UNC5D: variants seen among roughly 807,000 people sequenced by gnomAD.
The protein encoded by UNC5D is unc-5 netrin receptor D, also known as netrin receptor UNC5D.
A neutral mutation model predicts 105.4 loss-of-function variants in UNC5D; 39 were observed. That is an observed-to-expected ratio of 0.37 (90% CI 0.29 to 0.48). UNC5D has a LOEUF of 0.48. UNC5D is among the 20% of genes least tolerant of loss of function. The pLI, the probability that UNC5D is intolerant of heterozygous loss-of-function variation, is 0.98. For missense variants in UNC5D, 991 were observed against 1,202.4 expected (o/e 0.82, Z 2.60); for synonymous variants, 452 against 450.4 (o/e 1.00, Z -0.04).
chr8:35,565,060 C>T (rs916555974), intron 2 of UNC5D, among the ~76,000 whole-genome samples: 3 of 152,136 alleles, frequency 2.0e-5, no homozygotes, highest in African/African-American at 7.2e-5. Flanking sequence ...CATACAAATT[C>T]AGGTATCTTC....
chr8:35,273,998 G>T (rs533703885), intron 1 of UNC5D, among the ~76,000 whole-genome samples: 160 of 145,812 alleles, frequency 1.1e-3, no homozygotes, highest in African/African-American at 3.8e-3. Flanking sequence ...ATTTATCGTG[G>T]TTTTTTTTTT....
chr8:35,250,857 G>A (rs762757737), intron 1 of UNC5D, among the ~76,000 whole-genome samples: 13 of 152,044 alleles, frequency 8.6e-5, no homozygotes, highest in East Asian at 3.9e-4. Context: ...GTCTCTTGCC[G>A]CCATCTTTAT....
chr8:35,340,773 A>G (rs1811403072), intron 1 of UNC5D, among the ~76,000 whole-genome samples: 1 of 152,184 alleles, frequency 6.6e-6, no homozygotes, highest in Admixed American at 6.5e-5. Flanking sequence ...AAACAAGGAT[A>G]TAAGGATTTG....
At chr8:35,677,479 CTATTT>C (rs958504642) in intron 4 of UNC5D, among the ~76,000 whole-genome samples, 5 of 151,808 alleles carry the variant, frequency 3.3e-5, no homozygotes, top group Non-Finnish European at 5.9e-5. Context: ...TTTTTTTTTC[CTATTT>C]TATTTATTAA....
chr8:35,417,605 C>T (rs1164127992), intron 1 of UNC5D, among the ~76,000 whole-genome samples: 2 of 151,986 alleles, frequency 1.3e-5, no homozygotes, highest in Non-Finnish European at 2.9e-5. Context: ...CTTGAAGTAA[C>T]AGGTCAAATA....
intron 1 of UNC5D, among the ~76,000 whole-genome samples, chr8:35,383,697 T>G (rs1363062681): frequency 6.6e-6 from 1 of 152,218 alleles, no homozygotes; most frequent in East Asian, 1.9e-4. Context: ...GACCAAAGCT[T>G]AGTTTCCAGT....
chr8:35,352,104 A>G, intron 1 of UNC5D, among the ~76,000 whole-genome samples: 1 of 152,160 alleles, frequency 6.6e-6, no homozygotes, highest in East Asian at 1.9e-4. Flanking sequence ...CGAAAATTAA[A>G]TCAACCTGAT....
chr8:35,666,886 G>T (rs1824459730), intron 4 of UNC5D, among the ~76,000 whole-genome samples: 1 of 151,870 alleles, frequency 6.6e-6, no homozygotes, highest in South Asian at 2.1e-4. Context: ...TTGACACAGT[G>T]GTTCATTATC....
At chr8:35,608,891 T>G (rs539429344) in intron 4 of UNC5D, among the ~76,000 whole-genome samples, 1 of 152,156 alleles carries the variant, frequency 6.6e-6, no homozygotes, top group East Asian at 1.9e-4. Flanking sequence ...TACATGTATC[T>G]ATTTAATTTT....
chr8:35,311,047 A>C (rs1808839385), intron 1 of UNC5D, among the ~76,000 whole-genome samples: 1 of 152,228 alleles, frequency 6.6e-6, no homozygotes, highest in Non-Finnish European at 1.5e-5. Flanking sequence ...GAATAAAGTC[A>C]TCATAGGACT....
intron 16 of UNC5D, among the ~76,000 whole-genome samples, chr8:35,779,707 C>T (rs1219695798): frequency 3.3e-5 from 5 of 152,044 alleles, no homozygotes; most frequent in South Asian, 2.1e-4. Flanking sequence ...CCGCCTGCCT[C>T]GGCCTCCCAA....
Position 35,461,455 on chromosome 8 carries a change from G to A in UNC5D, c.104-87837G>A, listed in dbSNP as rs540234196. On this transcript the variant is annotated intron_variant, in intron 1 of 16. Transcript: ENST00000404895. ...TAAAGTGGAGCTGTGTTTGGTGGTG[G>A]AGAGCCCATTCATCACCTGGAGAGG... 3.3e-5 allele frequency among the ~76,000 whole-genome samples: 5 copies of A among 152,226 alleles called. No individual in the cohort carries two copies. The South Asian group carries it at 8.3e-4, about 25-fold the overall frequency.
chr8:35,555,875 GCA>G (rs56788274), intron 2 of UNC5D, among the ~76,000 whole-genome samples: 26,459 of 133,368 alleles, frequency 0.2, 3,191 homozygotes, highest in Non-Finnish European at 0.27. Context: ...TAAAAAAACA[GCA>G]CACACACACA....
intron 4 of UNC5D, among the ~76,000 whole-genome samples, chr8:35,603,487 T>C: frequency 6.6e-6 from 1 of 152,110 alleles, no homozygotes; most frequent in Non-Finnish European, 1.5e-5. Context: ...TTGGAATAGG[T>C]GTGGTGTGGT....
chr8:35,388,257 G>A (rs1348600387), intron 1 of UNC5D, among the ~76,000 whole-genome samples: 4 of 151,930 alleles, frequency 2.6e-5, no homozygotes, highest in Admixed American at 1.3e-4. Flanking sequence ...CCAGCTACTC[G>A]GGAGGCTGAG....
At chr8:35,692,334 ATG>A (rs1826463914) in intron 7 of UNC5D, among the ~76,000 whole-genome samples, 1 of 152,188 alleles carries the variant, frequency 6.6e-6, no homozygotes, top group Non-Finnish European at 1.5e-5. Flanking sequence ...CAGGAAAGGC[ATG>A]TTTGCTTTGT....
At chr8:35,269,882 G>C (rs1025424212) in intron 1 of UNC5D, among the ~76,000 whole-genome samples, 4 of 152,144 alleles carry the variant, frequency 2.6e-5, no homozygotes, top group Admixed American at 2.0e-4. Context: ...ACTCTGAAGG[G>C]CATGTCCATA....
chr8:35,552,774 C>G (rs965138353), intron 2 of UNC5D, among the ~76,000 whole-genome samples: 3 of 152,080 alleles, frequency 2.0e-5, no homozygotes, highest in Non-Finnish European at 4.4e-5. Context: ...GATGGAGAGG[C>G]CTGGTGCTGG....
At chr8:35,405,525 T>A (rs530418973) in intron 1 of UNC5D, among the ~76,000 whole-genome samples, 3 of 152,198 alleles carry the variant, frequency 2.0e-5, no homozygotes, top group Non-Finnish European at 4.4e-5. Context: ...TAATTGGAAA[T>A]GATTAATTTG....
Sources: allele counts gnomAD v4.1 joint callset (sites outside exome capture counted in the v4.1 genomes callset), GRCh38; gene constraint gnomAD v4.1.1; transcripts MANE v1.5; gene names NCBI Gene and HGNC (gene_info 2026-07-23, HGNC 2026-07-21).